The following EVI5 variants were observed in gnomAD, a reference collection of about 807,000 sequenced individuals.
EVI5 encodes the protein ecotropic viral integration site 5.
Under a neutral mutation model 112.0 loss-of-function variants are expected in EVI5, and 73 were observed. The ratio of observed to expected loss-of-function variants is 0.65; its 90% confidence interval spans 0.54 to 0.79. The LOEUF is 0.79. Among genes scored for constraint, EVI5 ranks in the 30% least tolerant of loss-of-function variants. The pLI is 0.00. For missense variants in EVI5, 900 were observed against 968.8 expected, an observed-to-expected ratio of 0.93 and a Z score of 0.94; for synonymous variants, 305 against 319.9, an observed-to-expected ratio of 0.95 and a Z score of 0.50.
chr1:92,545,141 T>G (rs1029558358), intron 19 of EVI5, among the ~76,000 whole-genome samples: 1 of 152,266 alleles, frequency 6.6e-6, no homozygotes, highest in African/African-American at 2.4e-5. Flanking sequence ...TCATCTTTTA[T>G]CAATTACTCT....
At chr1:92,697,808 G>A in intron 6 of EVI5, 52 bp downstream of exon 6, 7 of 1,472,940 alleles carry the variant, frequency 4.8e-6, no homozygotes, top group Non-Finnish European at 6.6e-6. Flanking sequence ...CTCAGAACAA[G>A]ATATAAAAAA....
intron 7 of EVI5, among the ~76,000 whole-genome samples, chr1:92,694,695 T>C (rs1402431647): frequency 6.6e-6 from 1 of 152,198 alleles, no homozygotes; most frequent in Admixed American, 6.5e-5. Flanking sequence ...CAAAAATCTG[T>C]CCATCTGATT....
At chr1:92,751,751 G>A (rs930616801) in intron 1 of EVI5, among the ~76,000 whole-genome samples, 16 of 152,194 alleles carry the variant, frequency 1.1e-4, no homozygotes, top group South Asian at 4.1e-4. Flanking sequence ...AGTGGCTCCC[G>A]TCTGTAATCT....
At chr1:92,609,396 T>TGCTCAGGCTGGAGC (rs1553202590) in intron 16 of EVI5, among the ~76,000 whole-genome samples, 1 of 1,436 alleles carries the variant, frequency 7.0e-4, no homozygotes, top group East Asian at 0.083. Context: ...CTCACTTTGT[T>TGCTCAGGCTGGAGC]GCTCAGGCTG....
At chr1:92,700,570 GTTAA>G (rs1420440750) in intron 5 of EVI5, among the ~76,000 whole-genome samples, 1 of 152,094 alleles carries the variant, frequency 6.6e-6, no homozygotes, top group Non-Finnish European at 1.5e-5. Context: ...ACTTATTGAA[GTTAA>G]TATCTCTACC....
chr1:92,637,222 A>G (rs1659050966), intron 13 of EVI5, among the ~76,000 whole-genome samples: 1 of 152,122 alleles, frequency 6.6e-6, no homozygotes, highest in Non-Finnish European at 1.5e-5. Context: ...TACTAAAAAT[A>G]CAAAAATTAG....
At chr1:92,529,984 A>G (rs1425694265) in intron 19 of EVI5, among the ~76,000 whole-genome samples, 1 of 152,186 alleles carries the variant, frequency 6.6e-6, no homozygotes, top group African/African-American at 2.4e-5. Flanking sequence ...AAATCATATG[A>G]TTTGACATTA....
intron 14 of EVI5, among the ~76,000 whole-genome samples, chr1:92,628,718 A>C (rs1249538344): frequency 6.6e-6 from 1 of 152,154 alleles, no homozygotes; most frequent in Non-Finnish European, 1.5e-5. Flanking sequence ...AAACTGAGGT[A>C]ACACTGAGAT....
At chr1:92,520,475 A>G (rs1571283053) in intron 19 of EVI5, among the ~76,000 whole-genome samples, 1 of 152,206 alleles carries the variant, frequency 6.6e-6, no homozygotes, top group Non-Finnish European at 1.5e-5. Context: ...GTGGGATAAA[A>G]AGTCTGTGGG....
At chr1:92,637,209 C>G (rs1044740090) in intron 13 of EVI5, among the ~76,000 whole-genome samples, 1 of 152,046 alleles carries the variant, frequency 6.6e-6, no homozygotes. Context: ...GAAACCCTGT[C>G]TCTACTAAAA....
At chr1:92,691,106 T>A (rs989248370) in intron 9 of EVI5, among the ~76,000 whole-genome samples, 3 of 152,220 alleles carry the variant, frequency 2.0e-5, no homozygotes, top group Non-Finnish European at 4.4e-5. Context: ...GGTGCTGATC[T>A]AAATTTTTAA....
intron 1 of EVI5, among the ~76,000 whole-genome samples, chr1:92,783,752 C>T (rs969056147): frequency 1.4e-5 from 2 of 142,984 alleles, no homozygotes; most frequent in African/African-American, 5.2e-5. Flanking sequence ...GTGGAGGTTG[C>T]AGTGAACCAA....
chr1:92,694,629 G>C (rs1436643934), intron 7 of EVI5, among the ~76,000 whole-genome samples: 2 of 152,174 alleles, frequency 1.3e-5, no homozygotes, highest in Non-Finnish European at 2.9e-5. Context: ...TAAATGGGCA[G>C]GGTTGTGTTC....
chr1:92,597,189 A>AC lies in EVI5; in HGVS notation c.2070+8117dup, dbSNP rs538287829. 2.9e-4 allele frequency among the ~76,000 whole-genome samples: 44 copies of AC among 152,344 alleles called. 1 individual carries two copies. In the East Asian group the frequency reaches 8.3e-3, roughly 29 times the overall value. On this transcript the variant is annotated intron_variant, in intron 18 of 19. Coordinates refer to ENST00000684568, the MANE Select transcript of EVI5 (RefSeq NM_001350197.2). ...AAGACAAAAAGTTGGGACCACAGAG[A>AC]CATTCAGGATTTTAAAATCCTCTTG...
At chr1:92,588,719 T>G (rs1253214162) in intron 18 of EVI5, among the ~76,000 whole-genome samples, 1 of 152,250 alleles carries the variant, frequency 6.6e-6, no homozygotes, top group Non-Finnish European at 1.5e-5. Context: ...GACAGGCACA[T>G]AGTAAGTACC....
intron 1 of EVI5, among the ~76,000 whole-genome samples, chr1:92,740,363 T>C (rs1026752457): frequency 3.3e-5 from 5 of 152,206 alleles, no homozygotes; most frequent in Admixed American, 6.5e-5. Context: ...TGCTTTATTT[T>C]CCGTCTCTTA....
At chr1:92,662,663 A>AG (rs1468230325) in intron 13 of EVI5, 56 bp downstream of exon 13, 3 of 1,089,732 alleles carry the variant, frequency 2.8e-6, no homozygotes, top group Non-Finnish European at 3.4e-6. Context: ...GAAAAAAAAA[A>AG]TGATTGAAAG....
intron 18 of EVI5, among the ~76,000 whole-genome samples, chr1:92,567,736 A>G (rs527818075): frequency 1.3e-5 from 2 of 152,356 alleles, no homozygotes; most frequent in Middle Eastern, 6.8e-3. Context: ...TAAGCAATGC[A>G]TAACTGCATA....
intron 1 of EVI5, among the ~76,000 whole-genome samples, chr1:92,759,067 G>A (rs1247592492): frequency 2.0e-5 from 3 of 151,864 alleles, no homozygotes; most frequent in Non-Finnish European, 2.9e-5. Flanking sequence ...CATCTCTACC[G>A]AAAATACAAA....
Sources: gnomAD v4.1 joint callset for allele counts (sites outside exome capture counted in the v4.1 genomes callset) on GRCh38, gnomAD v4.1.1 for gene constraint, MANE v1.5 for transcripts, NCBI Gene and HGNC (gene_info 2026-07-23, HGNC 2026-07-21) for gene names.